Variants in PDE1C observed in about 807,000 individuals in gnomAD.
PDE1C encodes dual specificity calcium/calmodulin-dependent 3',5'-cyclic nucleotide phosphodiesterase 1C.
Under a neutral mutation model 93.1 loss-of-function variants are expected in PDE1C, and 62 were observed. The ratio of observed to expected loss-of-function variants is 0.67; its 90% CI spans 0.54 to 0.82. PDE1C has a LOEUF of 0.82. Among genes scored for constraint, PDE1C ranks in the 40% least tolerant of loss-of-function variants. The probability of loss-of-function intolerance (pLI) is 0.00; values close to 1 mark genes in which losing one functional copy is unlikely to be tolerated. For missense variants in PDE1C, 742 were observed against 884.6 expected, an observed-to-expected ratio of 0.84 and a Z score of 2.04; for synonymous variants, 325 against 310.1, an observed-to-expected ratio of 1.05 and a Z score of -0.50.
At chr7:32,193,724 G>A (rs1425584964) in intron 2 of PDE1C, among the ~76,000 whole-genome samples, 1 of 152,104 alleles carries the variant, frequency 6.6e-6, no homozygotes, top group East Asian at 1.9e-4. Context: ...TAGAATTGAT[G>A]TTAAATTTTC....
intron 1 of PDE1C, among the ~76,000 whole-genome samples, chr7:32,312,975 A>C (rs941276557): frequency 2.0e-5 from 3 of 152,168 alleles, no homozygotes; most frequent in African/African-American, 2.4e-5. Context: ...CAACCTACAA[A>C]ATGGGAGAAA....
chr7:32,058,739 G>A (rs1355403043), intron 1 of PDE1C, among the ~76,000 whole-genome samples: 1 of 152,160 alleles, frequency 6.6e-6, no homozygotes, highest in African/African-American at 2.4e-5. Context: ...ACAAGTAAAT[G>A]CTAATGAGAA....
At position 31,786,621 on chromosome 7, in the gene PDE1C, G is replaced by C. The variant is rs117461450; in HGVS notation, c.1892-10889C>G. On this transcript the variant is annotated intron_variant, in intron 16 of 17. Coordinates refer to ENST00000396191, the MANE Select transcript of PDE1C (RefSeq NM_001191057.4). ...AAACACTGTGGTGGGCCAGCACTGCGTCTCCTGTGGGGTGTGTGGGCATCT... is the reference window on the plus strand; with the variant it reads ...AAACACTGTGGTGGGCCAGCACTGCCTCTCCTGTGGGGTGTGTGGGCATCT... The C allele has an allele frequency of 3.3e-5, 5 of 152,252 alleles. No homozygotes were observed. In the East Asian group the frequency reaches 7.7e-4, roughly 24 times the overall value. 9.4% of individuals were successfully genotyped at this position (152,252 alleles called of 1,614,324 possible). A position where few individuals can be genotyped will look rare whatever the true frequency, so the allele number is the denominator to read the frequency against.
At chr7:31,630,108 G>A in the PDE1C span, among the ~76,000 whole-genome samples, 1 of 151,920 alleles carries the variant, frequency 6.6e-6, no homozygotes, top group Non-Finnish European at 1.5e-5. Context: ...ATAGGTACTT[G>A]TTTAATTCTT....
the PDE1C span, among the ~76,000 whole-genome samples, chr7:31,679,668 A>AAT: frequency 6.6e-6 from 1 of 152,214 alleles, no homozygotes. Flanking sequence ...CCTTTGGGAA[A>AAT]ATATATGTGC....
chr7:31,808,989 TG>T, intron 16 of PDE1C, 41 bp downstream of exon 16: 1 of 1,152,658 alleles, frequency 8.7e-7, no homozygotes, highest in Non-Finnish European at 1.3e-6. Flanking sequence ...TACATTAAAC[TG>T]CACATTTTAT....
At chr7:32,070,254 G>T (rs746540541) in intron 1 of PDE1C, 39 bp downstream of exon 1, 2 of 1,613,174 alleles carry the variant, frequency 1.2e-6, no homozygotes. Flanking sequence ...AAGGATGGGA[G>T]CGGGAAATGG....
intron 1 of PDE1C, among the ~76,000 whole-genome samples, chr7:32,312,338 AT>A (rs1783066048): frequency 6.6e-6 from 1 of 151,846 alleles, no homozygotes; most frequent in African/African-American, 2.4e-5. Context: ...GCCCAAGGTA[AT>A]TTATAGATTC....
At chr7:31,988,107 A>T (rs1474546903) in intron 2 of PDE1C, among the ~76,000 whole-genome samples, 2 of 152,190 alleles carry the variant, frequency 1.3e-5, no homozygotes, top group Admixed American at 1.3e-4. Context: ...GGCTTGTCTC[A>T]TAAGCAATAT....
intron 11 of PDE1C, among the ~76,000 whole-genome samples, chr7:31,834,685 C>G (rs1018919132): frequency 4.6e-5 from 7 of 151,886 alleles, no homozygotes; most frequent in Non-Finnish European, 8.8e-5. Flanking sequence ...TAGGATGTAA[C>G]TAACTTGCTT....
chr7:31,815,574 A>T (rs1788135478), intron 15 of PDE1C, among the ~76,000 whole-genome samples: 1 of 152,150 alleles, frequency 6.6e-6, no homozygotes, highest in Non-Finnish European at 1.5e-5. Context: ...GAGCGATGGT[A>T]TATATGGGAA....
intron 1 of PDE1C, among the ~76,000 whole-genome samples, chr7:32,340,057 A>C (rs188117742): frequency 6.6e-6 from 1 of 152,224 alleles, no homozygotes; most frequent in Admixed American, 6.5e-5. Context: ...CTTTATGGGA[A>C]GTAAGGGCAT....
chr7:31,617,579 G>C, the PDE1C span, among the ~76,000 whole-genome samples: 1 of 151,906 alleles, frequency 6.6e-6, no homozygotes. Flanking sequence ...ATCCTGATTA[G>C]TCTCTTCCAT....
intron 2 of PDE1C, among the ~76,000 whole-genome samples, chr7:31,901,842 A>G (rs887875600): frequency 4.6e-5 from 7 of 151,722 alleles, no homozygotes; most frequent in Admixed American, 4.6e-4. Context: ...TATATGATAA[A>G]TTTATTTCAT....
the PDE1C span, among the ~76,000 whole-genome samples, chr7:31,684,939 T>C: frequency 1.3e-4 from 20 of 152,198 alleles, no homozygotes; most frequent in Admixed American, 1.1e-3. Context: ...CGCAAAAGCC[T>C]CTCTACATGA....
intron 16 of PDE1C, among the ~76,000 whole-genome samples, chr7:31,795,243 C>T (rs1429929837): frequency 6.6e-6 from 1 of 151,812 alleles, no homozygotes; most frequent in East Asian, 1.9e-4. Context: ...TTCAAAGGTT[C>T]CCTTTATTTT....
intron 1 of PDE1C, among the ~76,000 whole-genome samples, chr7:32,236,744 A>G (rs1347355665): frequency 2.0e-5 from 3 of 152,246 alleles, no homozygotes; most frequent in Non-Finnish European, 4.4e-5. Context: ...TCTGGAAAAC[A>G]GCTTTACAGT....
At chr7:31,620,373 T>C in the PDE1C span, among the ~76,000 whole-genome samples, 22 of 151,330 alleles carry the variant, frequency 1.5e-4, no homozygotes, top group East Asian at 3.9e-4. Context: ...TAGGGGCAGA[T>C]TGACACCTCA....
chr7:31,963,272 A>G (rs766189618), intron 2 of PDE1C, among the ~76,000 whole-genome samples: 11 of 152,212 alleles, frequency 7.2e-5, no homozygotes, highest in Non-Finnish European at 1.3e-4. Flanking sequence ...AATTCATTGT[A>G]CGATGTTTAA....
Sources: allele counts gnomAD v4.1 joint callset (sites outside exome capture counted in the v4.1 genomes callset), GRCh38; gene constraint gnomAD v4.1.1; transcripts MANE v1.5; gene names NCBI Gene and HGNC (gene_info 2026-07-23, HGNC 2026-07-21).